The following NCAPD2 variants were observed in gnomAD, a reference collection of about 807,000 sequenced individuals.
The protein encoded by NCAPD2 is non-SMC condensin I complex subunit D2, also known as condensin complex subunit 1.
Under a neutral mutation model 164.5 loss-of-function variants are expected in NCAPD2, and 100 were observed. The observed-to-expected ratio is 0.61, with a 90% CI of 0.52 to 0.72. NCAPD2 has a LOEUF of 0.72. Among genes scored for constraint, NCAPD2 ranks in the 30% least tolerant of loss-of-function variants. The probability of loss-of-function intolerance (pLI) is 0.00; values close to 1 mark genes in which losing one functional copy is unlikely to be tolerated. For missense variants in NCAPD2, 1,560 were observed against 1,749.2 expected, an observed-to-expected ratio of 0.89 and a Z score of 1.93; for synonymous variants, 585 against 642.6, an observed-to-expected ratio of 0.91 and a Z score of 1.36.
intron 13 of NCAPD2, among the ~76,000 whole-genome samples, chr12:6,518,494 C>A (rs1946224973): frequency 1.1e-5 from 1 of 89,348 alleles, no homozygotes; most frequent in Non-Finnish European, 2.2e-5. Flanking sequence ...GCCCTTACAG[C>A]CGTCAACAAG....
chr12:6,513,715 C>CTTTTTTTTTTTTTTTTTTTTTT lies in NCAPD2; in HGVS notation c.588-532_588-531insTTTTTTTTTTTTTTTTTTTTTT. ...AATGAGAAGTCATTGGTGACTTTGT[C>CTTTTTTTTTTTTTTTTTTTTTT]TTTTTTTTTTTTTTTTTTGTGATGG... On this transcript the variant is annotated intron_variant, in intron 6 of 31. Coordinates refer to ENST00000315579, the MANE Select transcript of NCAPD2 (RefSeq NM_014865.4). 9.3e-3 allele frequency among the ~76,000 whole-genome samples: 696 copies of CTTTTTTTTTTTTTTTTTTTTTT among 74,842 alleles called. 200 individuals carry two copies. Among genetic ancestry groups the CTTTTTTTTTTTTTTTTTTTTTT allele is most frequent in the African/African-American group, 0.017 (286 of 16,936 alleles). 49.1% of individuals were successfully genotyped at this position (74,842 alleles called of 152,430 possible).
In NCAPD2 at chr12:6,499,793, G is replaced by A. The variant is rs140242584; in HGVS notation, c.127+4568G>A. On this transcript the variant is annotated intron_variant, in intron 2 of 31. Coordinates refer to ENST00000315579, the MANE Select transcript of NCAPD2 (RefSeq NM_014865.4). ...CACAGATTGGTGAGGACCACTGTGTGTAAGATGGTTGTAAGAGCCAAAGAG... is the reference window on the plus strand; with the variant it reads ...CACAGATTGGTGAGGACCACTGTGTATAAGATGGTTGTAAGAGCCAAAGAG... 8.5e-4 allele frequency among the ~76,000 whole-genome samples: 129 copies of A among 152,298 alleles called. 2 individuals carry two copies. Among genetic ancestry groups the A allele is most frequent in the Non-Finnish European group, 1.1e-3 (77 of 68,028 alleles).
chr12:6,514,113 A>G, intron 6 of NCAPD2, 152 bp from the exon 7 acceptor site: 2 of 1,073,518 alleles, frequency 1.9e-6, no homozygotes, highest in Non-Finnish European at 2.7e-6. Flanking sequence ...AACTGGGGTC[A>G]GCAAAGCAAA....
At chr12:6,497,020 G>T (rs897729523) in intron 2 of NCAPD2, among the ~76,000 whole-genome samples, 1 of 152,180 alleles carries the variant, frequency 6.6e-6, no homozygotes, top group Admixed American at 6.6e-5. Context: ...CAGGGCACAG[G>T]ACTGTACAGG....
intron 29 of NCAPD2, 66 bp downstream of exon 29, chr12:6,530,024 G>A: frequency 6.5e-7 from 1 of 1,539,126 alleles, no homozygotes. Flanking sequence ...TGCCGGCCCT[G>A]GGCAGCATAC....
intron 13 of NCAPD2, among the ~76,000 whole-genome samples, chr12:6,518,386 GCTTAATACTAC>G (rs1360027929): frequency 6.6e-6 from 1 of 151,240 alleles, no homozygotes. Context: ...TATCAAACAT[GCTTAATACTAC>G]CTTAATCTTC....
Position 6,516,912 on chromosome 12 carries a change from G to T in NCAPD2, c.1072G>T (p.Ala358Ser). ...VLSGDQLEAA[A>S]RDTRDQFLDT... ...CAGTGGCGATCAACTGGAAGCAGCA[G>T]CCCGAGACACCAGAGACCAGTTCTT... Residue 358 changes from alanine to serine, a missense_variant, in exon 10 of 32, where the codon GCC becomes TCC. By Grantham distance (99) the Ala-to-Ser change is moderately conservative. Coordinates refer to ENST00000315579, the MANE Select transcript of NCAPD2 (RefSeq NM_014865.4). The T allele has an allele frequency of 6.2e-7, 1 of 1,614,168 alleles. No homozygotes were observed. The highest frequency in any genetic ancestry group is 8.5e-7 in the Non-Finnish European group (1 of 1,180,028).
chr12:6,496,011 C>A (rs1190280594), intron 2 of NCAPD2, among the ~76,000 whole-genome samples: 1 of 151,438 alleles, frequency 6.6e-6, no homozygotes, highest in African/African-American at 2.4e-5. Context: ...CTTGTCTCCT[C>A]TTGGCTTTTC....
chr12:6,511,404 C>T (rs1946145373), intron 6 of NCAPD2, 152 bp downstream of exon 6: 1 of 904,014 alleles, frequency 1.1e-6, no homozygotes, highest in East Asian at 2.8e-5. Context: ...TCAATCTCGG[C>T]TCACTGCAGC....
intron 13 of NCAPD2, among the ~76,000 whole-genome samples, chr12:6,518,508 T>TTTG (rs1555139600): frequency 1.1e-5 from 1 of 91,142 alleles, no homozygotes; most frequent in African/African-American, 5.0e-5. Context: ...CAACAAGTTT[T>TTTG]TTTTTTTTTT....
rs1402183922 is a variant in NCAPD2 at position 6,525,679 on chromosome 12, C to T, written c.2311C>T (p.Arg771Cys). The change falls in exon 18 of 32, where the codon CGC (arginine) becomes TGC (cysteine). Residue 771 changes from arginine (R) to cysteine (C), a missense_variant. Physicochemically the swap from Arg to Cys is radical, Grantham distance 180 (BLOSUM62 -3). Coordinates refer to ENST00000315579, the MANE Select transcript of NCAPD2 (RefSeq NM_014865.4). ...GAAGGTCGCCTGCTGTCCTCTGGAG[C>T]GCTGTTCCTCTGTCATGCTTCTTGG... ...TEKVACCPLE[R>C]CSSVMLLGMM... The T allele has an allele frequency of 4.3e-6, 7 of 1,613,656 alleles. No individual in the cohort carries two copies. The East Asian group carries it at 8.9e-5, about 21-fold the overall frequency.
intron 17 of NCAPD2, among the ~76,000 whole-genome samples, chr12:6,523,559 G>A (rs958935309): frequency 6.6e-6 from 1 of 151,992 alleles, no homozygotes; most frequent in Middle Eastern, 3.2e-3. Flanking sequence ...CACCATGCCC[G>A]ACTAGTTTTT....
chr12:6,511,980 G>T (rs373399873), intron 6 of NCAPD2, among the ~76,000 whole-genome samples: 1 of 137,632 alleles, frequency 7.3e-6, no homozygotes, highest in South Asian at 2.4e-4. Context: ...GCAAAATCCC[G>T]TCTCAAAAAA....
chr12:6,512,483 C>G (rs978361682), intron 6 of NCAPD2, among the ~76,000 whole-genome samples: 13 of 152,160 alleles, frequency 8.5e-5, no homozygotes, highest in Non-Finnish European at 1.9e-4. Context: ...GCATGTCCAG[C>G]ACGTACGAGC....
chr12:6,531,142 A>G lies in NCAPD2; in HGVS notation c.4120+66A>G. On this transcript the variant is annotated intron_variant, in intron 31 of 31. Transcript: ENST00000315579. This position sits in a 1 kb window ranked among gnomAD's most constrained non-coding sequence, Gnocchi z 4.1. ...GCTAGGGTGCAGAGGGCTGGTTTCCATAGGACCTGCTGCGGGGGCCTGAGT... is the reference window on the plus strand; with the variant it reads ...GCTAGGGTGCAGAGGGCTGGTTTCCGTAGGACCTGCTGCGGGGGCCTGAGT... 3.8e-6 allele frequency: 6 copies of G among 1,596,664 alleles called. No homozygotes were observed. Among genetic ancestry groups the G allele is most frequent in the Non-Finnish European group, 5.1e-6 (6 of 1,169,222 alleles).
intron 17 of NCAPD2, 40 bp downstream of exon 17, chr12:6,523,386 A>G (rs764038652): frequency 3.1e-5 from 36 of 1,172,760 alleles, no homozygotes; most frequent in Non-Finnish European, 3.4e-5. Context: ...TCATTCAACA[A>G]GTATTTTGGT....
At chr12:6,507,491 C>T (rs1024683700) in intron 2 of NCAPD2, among the ~76,000 whole-genome samples, 2 of 152,254 alleles carry the variant, frequency 1.3e-5, no homozygotes, top group African/African-American at 4.8e-5. Flanking sequence ...AACAAAGGGG[C>T]ACGAGAGCCT....
intron 2 of NCAPD2, among the ~76,000 whole-genome samples, chr12:6,499,164 C>T (rs1219222681): frequency 2.0e-5 from 3 of 152,116 alleles, no homozygotes; most frequent in Non-Finnish European, 4.4e-5. Flanking sequence ...GAATGACACA[C>T]AACCTACAAT....
intron 2 of NCAPD2, among the ~76,000 whole-genome samples, chr12:6,504,202 T>TAC (rs1167298270): frequency 7.7e-4 from 17 of 22,012 alleles, no homozygotes; most frequent in African/African-American, 5.6e-3. Context: ...TATATATATA[T>TAC]ATATATATAT....
Sources: allele counts gnomAD v4.1 joint callset (sites outside exome capture counted in the v4.1 genomes callset), GRCh38; gene constraint gnomAD v4.1.1; non-coding constraint Gnocchi (gnomAD v3.1); transcripts MANE v1.5; gene names NCBI Gene and HGNC (gene_info 2026-07-23, HGNC 2026-07-21).